Variants in SNTG1 observed in about 807,000 individuals in gnomAD.
SNTG1 encodes the protein syntrophin gamma 1, also known as gamma-1-syntrophin.
SNTG1 carries 39 observed loss-of-function variants against 74.7 expected under a neutral mutation model. That is an observed-to-expected ratio of 0.52 (90% CI 0.40 to 0.68). SNTG1 has a LOEUF of 0.68. Among genes scored for constraint, SNTG1 ranks in the 30% least tolerant of loss-of-function variants. The pLI, the probability that SNTG1 is intolerant of heterozygous loss-of-function variation, is 0.00. For synonymous variants in SNTG1, 254 were observed against 217.1 expected (o/e 1.17, Z -1.49); for missense variants, 685 against 609.5 (o/e 1.12, Z -1.30).
At chr8:50,026,691 T>G (rs1817290665) in intron 1 of SNTG1, among the ~76,000 whole-genome samples, 1 of 151,904 alleles carries the variant, frequency 6.6e-6, no homozygotes, top group African/African-American at 2.4e-5. Context: ...TTTATGGCAT[T>G]TGTGTGTACG....
At chr8:50,560,357 C>G (rs1038452807) in intron 12 of SNTG1, among the ~76,000 whole-genome samples, 2 of 152,158 alleles carry the variant, frequency 1.3e-5, no homozygotes, top group Non-Finnish European at 2.9e-5. Flanking sequence ...ACCCAGCAAT[C>G]CCATTACTGG....
In SNTG1 at chr8:50,006,174, G is replaced by A. The variant is rs964277071; in HGVS notation, c.-103+93943G>A. 1.9e-4 allele frequency among the ~76,000 whole-genome samples: 29 copies of A among 151,940 alleles called. No individual in the cohort carries two copies. In the Middle Eastern group the frequency reaches 0.01, roughly 53 times the overall value. ...GACGGGGTTTCATCGTGTTGGCCAGGATGGTCTCAATCTCCTGACCTTGTG... is the reference window on the plus strand; with the variant it reads ...GACGGGGTTTCATCGTGTTGGCCAGAATGGTCTCAATCTCCTGACCTTGTG... On this transcript the variant is annotated intron_variant, in intron 1 of 18. Transcript: ENST00000642720.
chr8:50,321,649 C>T (rs182864534), intron 2 of SNTG1, among the ~76,000 whole-genome samples: 23 of 152,028 alleles, frequency 1.5e-4, no homozygotes, highest in African/African-American at 4.6e-4. Context: ...TCTCTGGTAG[C>T]TTGATTTAAT....
At chr8:50,349,879 G>A (rs538674109) in intron 2 of SNTG1, among the ~76,000 whole-genome samples, 1 of 152,272 alleles carries the variant, frequency 6.6e-6, no homozygotes, top group South Asian at 2.1e-4. Context: ...GGCTGGCCAA[G>A]GTAGGAGCCG....
At chr8:50,415,604 A>T (rs997338600) in intron 4 of SNTG1, among the ~76,000 whole-genome samples, 2 of 152,096 alleles carry the variant, frequency 1.3e-5, no homozygotes, top group African/African-American at 4.8e-5. Flanking sequence ...TTAAAAAAAT[A>T]TATTTTTCTC....
At chr8:49,988,600 T>G (rs543271472) in intron 1 of SNTG1, among the ~76,000 whole-genome samples, 6 of 152,236 alleles carry the variant, frequency 3.9e-5, no homozygotes, top group Non-Finnish European at 7.4e-5. Context: ...GAATGTATGT[T>G]GCTAGAGATT....
intron 2 of SNTG1, among the ~76,000 whole-genome samples, chr8:50,241,393 G>A (rs2086157486): frequency 6.7e-6 from 1 of 148,894 alleles, no homozygotes; most frequent in South Asian, 2.2e-4. Flanking sequence ...TGACAGAATG[G>A]TTCCAGGTAA....
chr8:50,656,858 A>G (rs772613026), intron 13 of SNTG1, 51 bp from the exon 14 acceptor site: 5 of 1,139,528 alleles, frequency 4.4e-6, no homozygotes. Context: ...TAGATATAAG[A>G]TATCTAAAAT....
chr8:50,725,222 A>G (rs568822925), intron 17 of SNTG1, among the ~76,000 whole-genome samples: 113 of 152,314 alleles, frequency 7.4e-4, no homozygotes, highest in Non-Finnish European at 1.1e-3. Context: ...CTGTATTTCA[A>G]GCATATGCTA....
At chr8:49,981,593 T>G (rs1812685390) in intron 1 of SNTG1, among the ~76,000 whole-genome samples, 2 of 152,242 alleles carry the variant, frequency 1.3e-5, no homozygotes, top group African/African-American at 4.8e-5. Context: ...TGCCACCAAC[T>G]ATGAAATGTG....
chr8:50,595,751 T>C (rs1027147912), intron 13 of SNTG1, among the ~76,000 whole-genome samples: 1 of 152,064 alleles, frequency 6.6e-6, no homozygotes, highest in African/African-American at 2.4e-5. Context: ...GTGGCTTCTT[T>C]CATACAGCAT....
chr8:50,324,373 A>G (rs928509237), intron 2 of SNTG1, among the ~76,000 whole-genome samples: 2 of 152,168 alleles, frequency 1.3e-5, no homozygotes, highest in African/African-American at 4.8e-5. Flanking sequence ...GCAATTTATG[A>G]CTGTCTCTTC....
intron 1 of SNTG1, among the ~76,000 whole-genome samples, chr8:50,116,602 A>G (rs1281923280): frequency 1.3e-5 from 2 of 152,210 alleles, no homozygotes; most frequent in Non-Finnish European, 2.9e-5. Flanking sequence ...CACCTTCTTC[A>G]TATGCACAAA....
At chr8:50,032,068 TG>T (rs1263706669) in intron 1 of SNTG1, among the ~76,000 whole-genome samples, 1 of 152,168 alleles carries the variant, frequency 6.6e-6, no homozygotes, top group African/African-American at 2.4e-5. Context: ...TTATAAAATT[TG>T]TGTGTAGAGT....
intron 1 of SNTG1, among the ~76,000 whole-genome samples, chr8:50,118,240 C>T (rs1400442362): frequency 2.6e-5 from 4 of 152,060 alleles, no homozygotes; most frequent in African/African-American, 7.2e-5. Flanking sequence ...GAGTAGAAAC[C>T]ATGCTTCATG....
chr8:50,645,521 T>G (rs2095103298), intron 13 of SNTG1, among the ~76,000 whole-genome samples: 1 of 152,170 alleles, frequency 6.6e-6, no homozygotes, highest in African/African-American at 2.4e-5. Context: ...TTGTGTGGCT[T>G]ATAAATTTTG....
At chr8:50,091,499 T>C (rs1304250251) in intron 1 of SNTG1, among the ~76,000 whole-genome samples, 2 of 152,180 alleles carry the variant, frequency 1.3e-5, no homozygotes, top group African/African-American at 2.4e-5. Context: ...TTTTATGTCA[T>C]TAACTTTTTT....
chr8:50,472,394 A>T (rs533785029), intron 8 of SNTG1, among the ~76,000 whole-genome samples: 1 of 152,188 alleles, frequency 6.6e-6, no homozygotes, highest in Non-Finnish European at 1.5e-5. Context: ...AACGATTTTA[A>T]ATAACATTTT....
At chr8:50,046,050 G>A (rs1057492253) in intron 1 of SNTG1, among the ~76,000 whole-genome samples, 1 of 152,242 alleles carries the variant, frequency 6.6e-6, no homozygotes, top group African/African-American at 2.4e-5. Flanking sequence ...AGCAGTCTTA[G>A]ACAATACATA....
Sources: gnomAD v4.1 joint callset for allele counts (sites outside exome capture counted in the v4.1 genomes callset) on GRCh38, gnomAD v4.1.1 for gene constraint, MANE v1.5 for transcripts, NCBI Gene and HGNC (gene_info 2026-07-23, HGNC 2026-07-21) for gene names.